ZNF560: variants seen among roughly 807,000 people sequenced by gnomAD.
The protein encoded by ZNF560 is zinc finger protein 560.
ZNF560 carries 54 observed loss-of-function variants against 81.8 expected under a neutral mutation model. The ratio of observed to expected loss-of-function variants is 0.66; its 90% confidence interval spans 0.53 to 0.83. The LOEUF (loss-of-function observed/expected upper bound fraction) is 0.83. Ranked by LOEUF, ZNF560 falls within the 40% of genes least tolerant of loss-of-function variation. The probability of loss-of-function intolerance (pLI) is 0.00; values close to 1 mark genes in which losing one functional copy is unlikely to be tolerated. For synonymous variants in ZNF560, 321 were observed against 317.9 expected (o/e 1.01, Z -0.10); for missense variants, 940 against 932.4 (o/e 1.01, Z -0.11).
chr19:9,470,325 G>A (rs897749664), intron 7 of ZNF560, 67 bp downstream of exon 7: 7 of 1,535,594 alleles, frequency 4.6e-6, no homozygotes, highest in Non-Finnish European at 6.1e-6. Context: ...ACTAATCCTA[G>A]AATACAGTAA....
chr19:9,498,171 T>C lies in ZNF560; in HGVS notation c.-100A>G, dbSNP rs1446071586. ...CCAGGTCCGTGGGGCTACAGGATCT[T>C]GGGGACGGAGTCAATCGAACGCGAA... On this transcript the variant is annotated 5_prime_UTR_variant, in exon 2 of 10. Coordinates refer to ENST00000301480, the MANE Select transcript of ZNF560 (RefSeq NM_152476.3). The C allele has an allele frequency of 6.6e-5, 10 of 152,192 alleles. No individual in the cohort carries two copies. The highest frequency in any genetic ancestry group is 2.4e-4 in the African/African-American group (10 of 41,428). 9.4% of individuals were successfully genotyped at this position (152,192 alleles called of 1,614,324 possible).
Position 9,485,367 on chromosome 19 carries a change from A to G in ZNF560, c.-56-9998T>C, listed in dbSNP as rs549197326. Reference sequence around the variant, plus strand: ...TATCCCTGGAATGCACGGATGGTTCAACATATGCAAATCAATGTGATTAGA... The same window carrying G: ...TATCCCTGGAATGCACGGATGGTTCGACATATGCAAATCAATGTGATTAGA... On this transcript the variant is annotated intron_variant, in intron 2 of 9. Transcript: ENST00000301480. Among the ~76,000 whole-genome samples the G allele has an allele frequency of 9.2e-5, 14 of 152,170 alleles. No homozygotes were observed. In the East Asian group the frequency reaches 2.7e-3, roughly 30 times the overall value.
chr19:9,462,527 C>A (rs1203378178), downstream of ZNF560, among the ~76,000 whole-genome samples: 1 of 152,192 alleles, frequency 6.6e-6, no homozygotes, highest in Non-Finnish European at 1.5e-5. Context: ...ACTTTGCACT[C>A]TATTTCTGTC....
At chr19:9,460,054 T>C in the ZNF560 span, among the ~76,000 whole-genome samples, 1 of 152,062 alleles carries the variant, frequency 6.6e-6, no homozygotes, top group African/African-American at 2.4e-5. Context: ...GGTAAAATAA[T>C]AACATGGGGC....
the ZNF560 span, among the ~76,000 whole-genome samples, chr19:9,457,998 T>A: frequency 6.6e-6 from 1 of 152,220 alleles, no homozygotes; most frequent in South Asian, 2.1e-4. Context: ...ATTCACCTAC[T>A]GGTGTTATTG....
At chr19:9,500,696 C>G (rs1260185676), upstream of ZNF560, among the ~76,000 whole-genome samples, 1 of 151,822 alleles carries the variant, frequency 6.6e-6, no homozygotes, top group African/African-American at 2.4e-5. Context: ...CCTCAGCCTC[C>G]CAAGTAGGTG....
intron 2 of ZNF560, among the ~76,000 whole-genome samples, chr19:9,483,357 G>A (rs183679691): frequency 0.037 from 5,303 of 145,006 alleles, 357 homozygotes; most frequent in African/African-American, 0.13. Context: ...CAGCCGCCCC[G>A]TCTGAGAAGT....
In ZNF560 at chr19:9,474,674, T is replaced by G. The variant is rs555627925; in HGVS notation, c.31-349A>C. Among the ~76,000 whole-genome samples, 207 of 152,188 alleles carry G rather than the reference T, an allele frequency of 1.4e-3. 1 individual carries two copies. The highest frequency in any genetic ancestry group is 3.9e-3 in the African/African-American group (163 of 41,522). ...GCGATGAATGATTAGCCTTTTTTTT[T>G]GGGAAGCAGGGTCTTGCTCTGTCAC... On this transcript the variant is annotated intron_variant, in intron 3 of 9. Transcript: ENST00000301480.
the ZNF560 span, among the ~76,000 whole-genome samples, chr19:9,446,393 CACACACACACACACAT>C: frequency 6.8e-5 from 6 of 88,088 alleles, no homozygotes; most frequent in African/African-American, 2.5e-4. Flanking sequence ...CACACACACA[CACACACACACACACAT>C]AAAATATAGG....
chr19:9,468,456 A>T, intron 9 of ZNF560, 122 bp from the exon 10 acceptor site: 1 of 696,544 alleles, frequency 1.4e-6, no homozygotes, highest in South Asian at 2.4e-5. Flanking sequence ...TATAGTTTCT[A>T]CCTTTTGGAT....
chr19:9,457,497 A>T, the ZNF560 span, among the ~76,000 whole-genome samples: 1 of 152,208 alleles, frequency 6.6e-6, no homozygotes, highest in East Asian at 1.9e-4. Context: ...AATTGAACCT[A>T]CTCATAAAAG....
chr19:9,460,884 C>T, the ZNF560 span, among the ~76,000 whole-genome samples: 1 of 152,142 alleles, frequency 6.6e-6, no homozygotes, highest in East Asian at 1.9e-4. Context: ...TGATTGGTCC[C>T]CTAAGGGGAT....
Position 9,495,157 on chromosome 19 carries a change from A to T in ZNF560, c.-57+2971T>A, listed in dbSNP as rs910511004. ...TCTATCACCAAAAAAAAATAAATAA[A>T]AATAAATAATAATAAAATTCTACTG... On this transcript the variant is annotated intron_variant, in intron 2 of 9. Transcript: ENST00000301480. Among the ~76,000 whole-genome samples, 13 of 152,224 alleles carry T rather than the reference A, an allele frequency of 8.5e-5. No individual in the cohort carries two copies. In the East Asian group the frequency reaches 2.1e-3, roughly 25 times the overall value.
In ZNF560 at chr19:9,467,316, TAG is replaced by T. The variant is rs750283145; in HGVS notation, c.1629_1630del (p.Tyr544SerfsTer3). 9 of 1,614,180 alleles carry T rather than the reference TAG, an allele frequency of 5.6e-6. No individual in the cohort carries two copies. The Admixed American group carries it at 6.7e-5, about 12-fold the overall frequency. On this transcript the variant is annotated frameshift_variant, in exon 10 of 10. Transcript: ENST00000301480. LOFTEE classifies it high-confidence loss of function. Reference sequence around the variant, plus strand: ...AGCTTTACCACATTTCTTACATTGATAGAGTCTCTCTTCTGTGTGAGTTCGCA... The same window carrying T: ...AGCTTTACCACATTTCTTACATTGATAGTCTCTCTTCTGTGTGAGTTCGCA...
chr19:9,493,330 T>C (rs576870105), intron 2 of ZNF560, among the ~76,000 whole-genome samples: 11 of 152,302 alleles, frequency 7.2e-5, no homozygotes, highest in African/African-American at 2.4e-4. Flanking sequence ...TCAAGATCAA[T>C]GACAGAAACA....
chr19:9,483,232 G>A lies in ZNF560; in HGVS notation c.-56-7863C>T, dbSNP rs535256800. ...TAGGAAGAGAGGAGCGTCTCTGCCC[G>A]GCTGCCCACCATCTGAGATGTGGGG... On this transcript the variant is annotated intron_variant, in intron 2 of 9. Coordinates refer to ENST00000301480, the MANE Select transcript of ZNF560 (RefSeq NM_152476.3). Among the ~76,000 whole-genome samples, 35 of 151,032 alleles carry A rather than the reference G, an allele frequency of 2.3e-4. No individual in the cohort carries two copies. In the Middle Eastern group the frequency reaches 0.01, roughly 45 times the overall value.
intron 6 of ZNF560, among the ~76,000 whole-genome samples, chr19:9,470,910 T>G (rs1483458145): frequency 6.6e-6 from 1 of 152,202 alleles, no homozygotes; most frequent in Admixed American, 6.5e-5. Context: ...AAATATGCAG[T>G]TGGCACCAGG....
In ZNF560 at chr19:9,467,660, C is replaced by G. The variant is rs1233947218; in HGVS notation, c.1287G>C (p.Glu429Asp). The part of the protein sequence containing the change: ...LIEHIRCHAR[E>D]KTFKCDHCGK... The stretch of plus-strand genomic sequence containing the variant: ...CACAGTGGTCACATTTAAAGGTTTT[C>G]TCTCTGGCGTGACATCTTATATGTT... The change falls in exon 10 of 10, where the codon GAG (glutamate) becomes GAC (aspartate). Residue 429 changes from glutamate to aspartate, a missense_variant. Transcript: ENST00000301480. The G allele has an allele frequency of 6.2e-7, 1 of 1,614,050 alleles. No homozygotes were observed. The highest frequency in any genetic ancestry group is 8.5e-7 in the Non-Finnish European group (1 of 1,180,000).
intron 2 of ZNF560, 127 bp from the exon 3 acceptor site, chr19:9,475,496 A>T: frequency 1.7e-6 from 1 of 595,376 alleles, no homozygotes. Context: ...AATATACATT[A>T]CATCCATAAA....
Sources: gnomAD v4.1 joint callset for allele counts (sites outside exome capture counted in the v4.1 genomes callset) on GRCh38, gnomAD v4.1.1 for gene constraint, MANE v1.5 for transcripts, NCBI Gene and HGNC (gene_info 2026-07-23, HGNC 2026-07-21) for gene names.